BLTP1: variants seen among roughly 807,000 people sequenced by gnomAD.
The protein encoded by BLTP1 is bridge-like lipid transfer protein family member 1.
At chr4:122,269,211 A>C in the BLTP1 span, 6 of 363,214 alleles carry the variant, frequency 1.7e-5, no homozygotes, top group Non-Finnish European at 2.3e-5. Context: ...GTTTTCATAT[A>C]TATAACTAGG....
the BLTP1 span, chr4:122,214,343 T>G: frequency 3.2e-6 from 3 of 928,142 alleles, no homozygotes; most frequent in Non-Finnish European, 3.9e-6. Flanking sequence ...ATTCATAAAT[T>G]CAAGCATAAT....
chr4:122,162,732 C>CA, the BLTP1 span: 13,706 of 738,228 alleles, frequency 0.019, 47 homozygotes, highest in Middle Eastern at 0.062. Context: ...ATAACAACAA[C>CA]AACAAAAAAA....
chr4:122,265,005 C>T, the BLTP1 span, among the ~76,000 whole-genome samples: 1 of 151,978 alleles, frequency 6.6e-6, no homozygotes, highest in Non-Finnish European at 1.5e-5. Context: ...AGAGTGAAAC[C>T]CTTTAAAACA....
At chr4:122,334,862 A>G in the BLTP1 span, among the ~76,000 whole-genome samples, 1 of 152,064 alleles carries the variant, frequency 6.6e-6, no homozygotes, top group Non-Finnish European at 1.5e-5. Context: ...GCAGATGGAA[A>G]TATCAAACTT....
At chr4:122,340,240 A>C in the BLTP1 span, among the ~76,000 whole-genome samples, 1 of 151,758 alleles carries the variant, frequency 6.6e-6, no homozygotes. Flanking sequence ...ATATATGACA[A>C]CCCCCTCCAC....
At chr4:122,201,041 G>A in the BLTP1 span, 1 of 1,613,300 alleles carries the variant, frequency 6.2e-7, no homozygotes, top group Non-Finnish European at 8.5e-7. Flanking sequence ...CCCGAATATG[G>A]AACATGCCGC....
chr4:122,166,936 C>A, the BLTP1 span, among the ~76,000 whole-genome samples: 1 of 152,136 alleles, frequency 6.6e-6, no homozygotes, highest in African/African-American at 2.4e-5. Context: ...AAGCTGGCTT[C>A]TGTGTCCTTT....
At chr4:122,323,278 A>C in the BLTP1 span, among the ~76,000 whole-genome samples, 5 of 152,246 alleles carry the variant, frequency 3.3e-5, no homozygotes, top group African/African-American at 1.2e-4. Context: ...CTCCAAGAAC[A>C]GCTGTTGATT....
the BLTP1 span, chr4:122,239,645 TAA>T: frequency 1.9e-6 from 3 of 1,614,132 alleles, no homozygotes; most frequent in Non-Finnish European, 1.7e-6. Flanking sequence ...TTGGAAGTAC[TAA>T]GAGTCTTACT....
At chr4:122,289,832 A>ATG in the BLTP1 span, 1 of 971,044 alleles carries the variant, frequency 1.0e-6, no homozygotes, top group Non-Finnish European at 1.2e-6. Context: ...TAACAAATTT[A>ATG]TGAAGTATCT....
At chr4:122,252,773 G>A in the BLTP1 span, among the ~76,000 whole-genome samples, 1 of 152,264 alleles carries the variant, frequency 6.6e-6, no homozygotes, top group Non-Finnish European at 1.5e-5. Context: ...TTCGCCACCT[G>A]CTGATTGTAC....
chr4:122,216,605 G>C, the BLTP1 span, among the ~76,000 whole-genome samples: 1 of 151,824 alleles, frequency 6.6e-6, no homozygotes, highest in Non-Finnish European at 1.5e-5. Flanking sequence ...CTTTTTGATG[G>C]GATTATTTGT....
chr4:122,199,266 T>C, the BLTP1 span: 2 of 1,512,940 alleles, frequency 1.3e-6, no homozygotes, highest in African/African-American at 2.8e-5. Flanking sequence ...AAGGATTCCT[T>C]CTTTGAGTGG....
chr4:122,238,964 A>T, the BLTP1 span, among the ~76,000 whole-genome samples: 16 of 152,248 alleles, frequency 1.1e-4, 1 homozygote, highest in South Asian at 1.7e-3. Context: ...CTCCAGCCAA[A>T]ACCTTTGTTC....
chr4:122,298,631 A>C, the BLTP1 span: 1 of 106,382 alleles, frequency 9.4e-6, no homozygotes, highest in African/African-American at 1.2e-4. Flanking sequence ...TGTGGGTAAA[A>C]ATTTTACTTA....
At chr4:122,318,197 AAC>A in the BLTP1 span, 2 of 1,610,300 alleles carry the variant, frequency 1.2e-6, no homozygotes, top group African/African-American at 2.7e-5. Flanking sequence ...CAACGTTACC[AAC>A]AGTTAGAATC....
the BLTP1 span, chr4:122,345,888 AG>A: frequency 4.6e-6 from 1 of 215,458 alleles, no homozygotes; most frequent in African/African-American, 2.3e-5. Flanking sequence ...AAGTTGTATT[AG>A]GGGCAACAGA....
chr4:122,355,185 C>G, the BLTP1 span, among the ~76,000 whole-genome samples: 1,326 of 152,120 alleles, frequency 8.7e-3, 6 homozygotes, highest in Middle Eastern at 0.031. Flanking sequence ...CCTAAAGCGT[C>G]TATTAGCATA....
the BLTP1 span, chr4:122,246,692 T>C: frequency 2.0e-3 from 3,260 of 1,612,104 alleles, 8 homozygotes; most frequent in Non-Finnish European, 2.5e-3. Flanking sequence ...GGTAAACTTA[T>C]GTTTGTTACA....
Sources: gnomAD v4.1 joint callset for allele counts (sites outside exome capture counted in the v4.1 genomes callset) on GRCh38, gnomAD v4.1.1 for gene constraint, MANE v1.5 for transcripts, NCBI Gene and HGNC (gene_info 2026-07-23, HGNC 2026-07-21) for gene names.